The following NIPAL2 variants were observed in gnomAD, a reference collection of about 807,000 sequenced individuals.
NIPAL2 encodes the protein NIPA-like protein 2.
Under a neutral mutation model 48.9 loss-of-function variants are expected in NIPAL2, and 43 were observed. That is an observed-to-expected ratio of 0.88 (90% CI 0.69 to 1.13). The LOEUF (loss-of-function observed/expected upper bound fraction) is 1.13, where lower values mean the gene tolerates loss of function less well. Ranked by LOEUF, NIPAL2 falls within the 50% of genes most tolerant of loss-of-function variation. The pLI is 0.00. For missense variants in NIPAL2, 446 were observed against 461.4 expected, an observed-to-expected ratio of 0.97 and a Z score of 0.31; for synonymous variants, 167 against 174.6, an observed-to-expected ratio of 0.96 and a Z score of 0.34.
chr8:98,258,132 C>T (rs1279387163), intron 1 of NIPAL2, among the ~76,000 whole-genome samples: 2 of 152,104 alleles, frequency 1.3e-5, no homozygotes, highest in Non-Finnish European at 2.9e-5. Flanking sequence ...ATCAGCCAAT[C>T]ACAAAAGAAC....
At chr8:98,264,681 A>G (rs2130861587) in intron 1 of NIPAL2, among the ~76,000 whole-genome samples, 1 of 151,012 alleles carries the variant, frequency 6.6e-6, no homozygotes, top group African/African-American at 2.4e-5. Flanking sequence ...GGAAGAATCA[A>G]TATCGTGAAA....
At chr8:98,270,484 G>C (rs530004168) in intron 1 of NIPAL2, among the ~76,000 whole-genome samples, 1 of 152,150 alleles carries the variant, frequency 6.6e-6, no homozygotes, top group African/African-American at 2.4e-5. Flanking sequence ...AATGTCTTTT[G>C]AGAAGTGTCT....
Position 98,192,996 on chromosome 8 carries a change from T to C in NIPAL2, c.1134A>G (p.Gly378=), listed in dbSNP as rs1810367564. 1 of 1,612,030 alleles carries C rather than the reference T, an allele frequency of 6.2e-7. No homozygotes were observed. Among genetic ancestry groups the C allele is most frequent in the Non-Finnish European group, 8.5e-7 (1 of 1,178,142 alleles). Residue 378 remains glycine, a synonymous_variant, in exon 11 of 11, where the codon GGA becomes GGG. Transcript: ENST00000430223. Reference sequence around the variant, plus strand: ...TCAGCATTTAGACCTCTTTCTTCTCTCCACTTTGGCTCTTTGTTGAGTCAC... The same window carrying C: ...TCAGCATTTAGACCTCTTTCTTCTCCCCACTTTGGCTCTTTGTTGAGTCAC... ...DGSDSTKSQS[G]EKKEV is the part of the protein sequence containing the mutation.
chr8:98,212,837 C>T (rs1050614295), intron 5 of NIPAL2, among the ~76,000 whole-genome samples: 1 of 152,152 alleles, frequency 6.6e-6, no homozygotes, highest in Admixed American at 6.5e-5. Context: ...GATTCCCTAC[C>T]TTCCCAGCTT....
chr8:98,286,323 A>C (rs1390041396), intron 1 of NIPAL2, among the ~76,000 whole-genome samples: 1 of 152,182 alleles, frequency 6.6e-6, no homozygotes, highest in Non-Finnish European at 1.5e-5. Flanking sequence ...CTGAGGCCAC[A>C]GGCAAGCAGC....
At chr8:98,194,404 T>C (rs1048309796) in intron 10 of NIPAL2, among the ~76,000 whole-genome samples, 2 of 152,090 alleles carry the variant, frequency 1.3e-5, no homozygotes, top group African/African-American at 4.8e-5. Context: ...GCTCTCAAAG[T>C]GGCAGGGGTC....
At chr8:98,266,553 CAAAAA>C (rs1168587196) in intron 1 of NIPAL2, among the ~76,000 whole-genome samples, 1 of 69,276 alleles carries the variant, frequency 1.4e-5, no homozygotes. Flanking sequence ...ACTCTGTCTC[CAAAAA>C]AAAAAAAAAA....
Position 98,205,134 on chromosome 8 carries a change from TATC to T in NIPAL2, c.765_767del (p.Met255del). 6.2e-7 allele frequency: 1 copy of T among 1,613,710 alleles called. No individual in the cohort carries two copies. The highest frequency in any genetic ancestry group is 8.5e-7 in the Non-Finnish European group (1 of 1,179,848). Reference sequence around the variant, plus strand: ...ACTTGACTTGGAAAACACAAGATGCTATCATGATGATAAACATGATATAGAAAA... The same window carrying T: ...ACTTGACTTGGAAAACACAAGATGCTATGATGATAAACATGATATAGAAAA... On this transcript the variant is annotated inframe_deletion, in exon 7 of 11. Transcript: ENST00000430223.
intron 3 of NIPAL2, among the ~76,000 whole-genome samples, chr8:98,244,573 G>A (rs1333445111): frequency 2.7e-5 from 1 of 37,158 alleles, no homozygotes; most frequent in African/African-American, 7.6e-5. Context: ...AGGGGGGTGC[G>A]CTGTGGTGAT....
intron 3 of NIPAL2, among the ~76,000 whole-genome samples, chr8:98,244,569 G>T (rs1465089165): frequency 4.9e-5 from 5 of 102,194 alleles, no homozygotes; most frequent in African/African-American, 1.6e-4. Context: ...GATAAGGGGG[G>T]TGCGCTGTGG....
At chr8:98,263,338 G>T (rs1232252900) in intron 1 of NIPAL2, among the ~76,000 whole-genome samples, 2 of 150,200 alleles carry the variant, frequency 1.3e-5, no homozygotes, top group Non-Finnish European at 3.0e-5. Flanking sequence ...ATGAATCCAG[G>T]AGCTGGTTTT....
At chr8:98,276,804 A>C in intron 1 of NIPAL2, among the ~76,000 whole-genome samples, 1 of 140,558 alleles carries the variant, frequency 7.1e-6, no homozygotes, top group African/African-American at 2.7e-5. Context: ...AGACAGTCTC[A>C]CTCTGTTGCC....
chr8:98,216,630 A>G (rs1030568059), intron 5 of NIPAL2, among the ~76,000 whole-genome samples: 11 of 152,208 alleles, frequency 7.2e-5, no homozygotes, highest in African/African-American at 2.2e-4. Flanking sequence ...ACACCAAATG[A>G]CAGGCTTGGC....
chr8:98,230,402 A>G (rs1285479278), intron 4 of NIPAL2, among the ~76,000 whole-genome samples: 1 of 152,184 alleles, frequency 6.6e-6, no homozygotes, highest in Admixed American at 6.5e-5. Flanking sequence ...ATGCTCCACC[A>G]AAAAAGGTCC....
At chr8:98,240,291 C>A (rs779907055) in intron 3 of NIPAL2, among the ~76,000 whole-genome samples, 1 of 152,158 alleles carries the variant, frequency 6.6e-6, no homozygotes, top group Non-Finnish European at 1.5e-5. Context: ...GCTCACTGAT[C>A]TTGGTGCTTT....
chr8:98,200,725 T>C (rs1281189840), intron 8 of NIPAL2, among the ~76,000 whole-genome samples: 1 of 152,222 alleles, frequency 6.6e-6, no homozygotes, highest in Non-Finnish European at 1.5e-5. Context: ...GGCTGCACCA[T>C]TTACATCCCC....
At chr8:98,219,164 T>A (rs1434705082) in intron 5 of NIPAL2, among the ~76,000 whole-genome samples, 1 of 152,132 alleles carries the variant, frequency 6.6e-6, no homozygotes, top group African/African-American at 2.4e-5. Flanking sequence ...AGTTTGGTTT[T>A]TGATATGTTA....
At chr8:98,271,404 T>C (rs1041882664) in intron 1 of NIPAL2, among the ~76,000 whole-genome samples, 4 of 152,228 alleles carry the variant, frequency 2.6e-5, no homozygotes, top group African/African-American at 9.6e-5. Flanking sequence ...CTTGTAGAGA[T>C]CTTTCATCTC....
chr8:98,285,701 A>G (rs995623598), intron 1 of NIPAL2, among the ~76,000 whole-genome samples: 3 of 151,936 alleles, frequency 2.0e-5, no homozygotes, highest in African/African-American at 4.8e-5. Flanking sequence ...TTCTTTTCTT[A>G]TTTAAGTCAG....
Sources: gnomAD v4.1 joint callset for allele counts (sites outside exome capture counted in the v4.1 genomes callset) on GRCh38, gnomAD v4.1.1 for gene constraint, MANE v1.5 for transcripts, NCBI Gene and HGNC (gene_info 2026-07-23, HGNC 2026-07-21) for gene names.